ANKRD29: variants seen among roughly 807,000 people sequenced by gnomAD.
ANKRD29 encodes ankyrin repeat domain-containing protein 29.
Under a neutral mutation model 38.0 loss-of-function variants are expected in ANKRD29, and 32 were observed. That is an observed-to-expected ratio of 0.84 (90% CI 0.64 to 1.13). The LOEUF is 1.13. Among genes scored for constraint, ANKRD29 ranks in the 50% most tolerant of loss-of-function variants. The pLI is 0.00. For synonymous variants in ANKRD29, 135 were observed against 152.4 expected (o/e 0.89, Z 0.84); for missense variants, 357 against 377.9 (o/e 0.94, Z 0.46).
chr18:23,616,771 TTAATA>T (rs2059728401), intron 8 of ANKRD29, among the ~76,000 whole-genome samples: 2 of 146,906 alleles, frequency 1.4e-5, no homozygotes, highest in African/African-American at 2.5e-5. Flanking sequence ...AGCATTACTA[TTAATA>T]TAATAAATAA....
At chr18:23,618,238 TA>T (rs1256654038) in intron 7 of ANKRD29, among the ~76,000 whole-genome samples, 1 of 152,222 alleles carries the variant, frequency 6.6e-6, no homozygotes, top group African/African-American at 2.4e-5. Context: ...TTACTGTTTC[TA>T]AAAAAATTTA....
At chr18:23,628,535 TA>T (rs1204860982) in intron 6 of ANKRD29, among the ~76,000 whole-genome samples, 2 of 152,158 alleles carry the variant, frequency 1.3e-5, no homozygotes, top group Non-Finnish European at 2.9e-5. Flanking sequence ...AATGTTTTGT[TA>T]AAAATAAATT....
chr18:23,616,604 C>CTATA (rs1164175762), intron 8 of ANKRD29, among the ~76,000 whole-genome samples: 5 of 131,288 alleles, frequency 3.8e-5, no homozygotes, highest in African/African-American at 1.5e-4. Flanking sequence ...ACTATATATA[C>CTATA]TATATATATA....
At chr18:23,654,618 CAAAAA>C (rs1167970950) in intron 1 of ANKRD29, among the ~76,000 whole-genome samples, 2 of 50,382 alleles carry the variant, frequency 4.0e-5, no homozygotes, top group Non-Finnish European at 9.0e-5. Context: ...GACTCTGTCT[CAAAAA>C]AAAAAAAAAA....
At position 23,619,553 on chromosome 18, in the gene ANKRD29, G is replaced by A. The variant is rs1306701186; in HGVS notation, c.605C>T (p.Ala202Val). 2 of 1,596,058 alleles carry A rather than the reference G, an allele frequency of 1.3e-6. No homozygotes were observed. The highest frequency in any genetic ancestry group is 1.7e-6 in the Non-Finnish European group (2 of 1,178,460). ...EVVRVMLLRG[A>V]DRDAARNDGT... ...CACGTTCCGCGCAGCGTCGCGGTCGGCTCCGCGCAGCAGCATCACCCGCAC... is the reference window on the plus strand; with the variant it reads ...CACGTTCCGCGCAGCGTCGCGGTCGACTCCGCGCAGCAGCATCACCCGCAC... The change falls in exon 7 of 10, where the codon GCC (alanine) becomes GTC (valine). Residue 202 changes from alanine (A) to valine (V), a missense_variant. By Grantham distance (64) the Ala-to-Val change is moderately conservative. Transcript: ENST00000592179.
At chr18:23,642,523 C>T (rs2060091179) in intron 3 of ANKRD29, among the ~76,000 whole-genome samples, 1 of 152,214 alleles carries the variant, frequency 6.6e-6, no homozygotes. Flanking sequence ...CTTGCTCACA[C>T]ACCTGGCTTG....
In ANKRD29 at chr18:23,627,544, C is replaced by T. The variant is rs76162671; in HGVS notation, c.528+2309G>A. Reference sequence around the variant, plus strand: ...CTTTAACTTCTTGGCTTCAACATCACGGCATGACTCATTTTAGGTTTAAGT... The same window carrying T: ...CTTTAACTTCTTGGCTTCAACATCATGGCATGACTCATTTTAGGTTTAAGT... On this transcript the variant is annotated intron_variant, in intron 6 of 9. Transcript: ENST00000592179. Among the ~76,000 whole-genome samples the T allele has an allele frequency of 8.9e-4, 136 of 152,234 alleles. 1 individual carries two copies. The highest frequency in any genetic ancestry group is 3.2e-3 in the African/African-American group (133 of 41,544).
At position 23,629,600 on chromosome 18, in the gene ANKRD29, C is replaced by T. The variant is rs920918816; in HGVS notation, c.528+253G>A. On this transcript the variant is annotated intron_variant, in intron 6 of 9. Coordinates refer to ENST00000592179, the MANE Select transcript of ANKRD29 (RefSeq NM_173505.4). ...CAGAGTGTGTACTTGTGTACTTGAC[C>T]TCAGACATCAAATACTTAAGTTTTG... Among the ~76,000 whole-genome samples, 5 of 152,350 alleles carry T rather than the reference C, an allele frequency of 3.3e-5. No homozygotes were observed. In the South Asian group the frequency reaches 6.2e-4, roughly 19 times the overall value.
intron 1 of ANKRD29, among the ~76,000 whole-genome samples, chr18:23,659,557 A>T (rs949809874): frequency 6.6e-6 from 1 of 152,048 alleles, no homozygotes; most frequent in Admixed American, 6.6e-5. Context: ...ATCCTGGCCA[A>T]CATGGTGAAA....
chr18:23,609,094 C>CAA (rs34279745), intron 9 of ANKRD29: 69 of 140,434 alleles, frequency 4.9e-4, no homozygotes, highest in African/African-American at 1.7e-3. Flanking sequence ...AATTCTGTTT[C>CAA]AAAAAAAAAA....
intron 8 of ANKRD29, among the ~76,000 whole-genome samples, chr18:23,614,353 C>T (rs2059684216): frequency 6.6e-6 from 1 of 152,144 alleles, no homozygotes; most frequent in South Asian, 2.1e-4. Flanking sequence ...TGAGCCACCA[C>T]ACCAGACCAG....
rs552647449 is a variant in ANKRD29, at chr18:23,662,475, C to G, written c.21+235G>C. Among the ~76,000 whole-genome samples, 413 of 152,326 alleles carry G rather than the reference C, an allele frequency of 2.7e-3. 3 individuals carry two copies. Among genetic ancestry groups the G allele is most frequent in the African/African-American group, 9.6e-3 (399 of 41,576 alleles). ...GGCACAGACTCAGCCGATCCACAGC[C>G]ATGAGTGCGAAGCCTCTCAGGCAGG... On this transcript the variant is annotated intron_variant, in intron 1 of 9. Coordinates refer to ENST00000592179, the MANE Select transcript of ANKRD29 (RefSeq NM_173505.4).
chr18:23,630,918 G>A (rs1942956888), intron 5 of ANKRD29, among the ~76,000 whole-genome samples: 4 of 130,908 alleles, frequency 3.1e-5, no homozygotes, highest in Admixed American at 1.9e-4. Flanking sequence ...AGTGAGCCAT[G>A]TTTGGGCCAT....
chr18:23,630,039 T>C, intron 5 of ANKRD29, 88 bp from the exon 6 acceptor site: 1 of 1,093,612 alleles, frequency 9.1e-7, no homozygotes, highest in East Asian at 2.6e-5. Context: ...GGCTCATGCC[T>C]GTAATCACAG....
At chr18:23,611,827 A>C (rs940320164) in intron 9 of ANKRD29, among the ~76,000 whole-genome samples, 1 of 152,014 alleles carries the variant, frequency 6.6e-6, no homozygotes, top group Non-Finnish European at 1.5e-5. Context: ...TCGCTGCAAA[A>C]ATCTATTGAA....
At chr18:23,648,652 G>A (rs1598529714) in intron 2 of ANKRD29, 1 of 377,158 alleles carries the variant, frequency 2.7e-6, no homozygotes, top group Non-Finnish European at 4.7e-6. Context: ...GGTAATGAAA[G>A]GATAAAATCC....
chr18:23,654,279 AAAATAAATAAATAAATAAAT>A (rs71163628), intron 1 of ANKRD29, among the ~76,000 whole-genome samples: 10 of 136,516 alleles, frequency 7.3e-5, no homozygotes, highest in African/African-American at 2.8e-4. Flanking sequence ...GCCTCCACAA[AAAATAAATAAATAAATAAAT>A]AAATAAATAA....
chr18:23,622,731 T>C (rs899309611), intron 6 of ANKRD29, among the ~76,000 whole-genome samples: 28 of 152,188 alleles, frequency 1.8e-4, no homozygotes, highest in Admixed American at 1.8e-3. Flanking sequence ...CACACCCGGC[T>C]AATTTTTGTA....
In ANKRD29 at chr18:23,629,047, C is replaced by T. The variant is rs186847976; in HGVS notation, c.528+806G>A. Among the ~76,000 whole-genome samples the T allele has an allele frequency of 9.6e-4, 146 of 152,360 alleles. 1 individual carries two copies. Among genetic ancestry groups the T allele is most frequent in the Non-Finnish European group, 1.8e-3 (125 of 68,042 alleles). On this transcript the variant is annotated intron_variant, in intron 6 of 9. Transcript: ENST00000592179. ...TTGCCAAGACTGGAGTGCAGAGGCG[C>T]GATCTCGGCTCATTGCAACTTCTGC...
Sources: gnomAD v4.1 joint callset for allele counts (sites outside exome capture counted in the v4.1 genomes callset) on GRCh38, gnomAD v4.1.1 for gene constraint, MANE v1.5 for transcripts, NCBI Gene and HGNC (gene_info 2026-07-23, HGNC 2026-07-21) for gene names.